ERCC6L2: variants seen among roughly 807,000 people sequenced by gnomAD.
ERCC6L2 encodes DNA excision repair protein ERCC-6-like 2.
A neutral mutation model predicts 132.0 loss-of-function variants in ERCC6L2; 77 were observed. The ratio of observed to expected loss-of-function variants is 0.58; its 90% confidence interval spans 0.49 to 0.71. ERCC6L2 has a LOEUF of 0.71. ERCC6L2 is among the 30% of genes least tolerant of loss of function. The probability of loss-of-function intolerance (pLI) is 0.00; values close to 1 mark genes in which losing one functional copy is unlikely to be tolerated. For missense variants in ERCC6L2, 1,542 were observed against 1,837.6 expected, an observed-to-expected ratio of 0.84 and a Z score of 2.94; for synonymous variants, 583 against 632.4, an observed-to-expected ratio of 0.92 and a Z score of 1.17.
At chr9:95,982,170 T>C (rs1191691941) in intron 17 of ERCC6L2, among the ~76,000 whole-genome samples, 1 of 152,044 alleles carries the variant, frequency 6.6e-6, no homozygotes, top group Admixed American at 6.6e-5. Flanking sequence ...TATTGCAGTG[T>C]GGTGTAAATG....
At chr9:96,003,867 A>G (rs1298313398) in intron 17 of ERCC6L2, among the ~76,000 whole-genome samples, 1 of 152,180 alleles carries the variant, frequency 6.6e-6, no homozygotes, top group East Asian at 1.9e-4. Flanking sequence ...TTCATACTGT[A>G]TCATCTTGTC....
chr9:95,901,569 G>A (rs1382328259), intron 3 of ERCC6L2, among the ~76,000 whole-genome samples: 1 of 152,076 alleles, frequency 6.6e-6, no homozygotes, highest in African/African-American at 2.4e-5. Context: ...GTTCCTTCTA[G>A]GAAAAGTAAA....
Position 95,876,019 on chromosome 9 carries a change from C to T in ERCC6L2, c.-20C>T, listed in dbSNP as rs866086136. On this transcript the variant is annotated 5_prime_UTR_variant, in exon 1 of 19. Coordinates refer to ENST00000653738, the MANE Select transcript of ERCC6L2 (RefSeq NM_020207.7). ...TCCGGGTGTTACATGCAGCCGGGCT[C>T]GGCCCCTCCCCCTGGCCGGATGGAT... The T allele has an allele frequency of 1.9e-6, 3 of 1,581,348 alleles. No homozygotes were observed. The highest frequency in any genetic ancestry group is 1.3e-5 in the African/African-American group (1 of 74,154).
At chr9:95,945,188 C>T (rs1180997539) in intron 12 of ERCC6L2, among the ~76,000 whole-genome samples, 1 of 152,102 alleles carries the variant, frequency 6.6e-6, no homozygotes, top group East Asian at 2.0e-4. Context: ...GGCCTACCCT[C>T]AGGGATGCAT....
At chr9:95,914,114 T>G (rs1829466969) in intron 4 of ERCC6L2, among the ~76,000 whole-genome samples, 1 of 152,238 alleles carries the variant, frequency 6.6e-6, no homozygotes, top group East Asian at 1.9e-4. Flanking sequence ...AAGCAGTGTT[T>G]GAGGATTCTG....
intron 2 of ERCC6L2, among the ~76,000 whole-genome samples, chr9:95,895,050 CTGAGT>C (rs1242907605): frequency 6.6e-6 from 1 of 152,112 alleles, no homozygotes; most frequent in African/African-American, 2.4e-5. Context: ...TTTGTTCTTG[CTGAGT>C]TATTTTAAAA....
chr9:95,902,686 G>A (rs1212982335), intron 3 of ERCC6L2, among the ~76,000 whole-genome samples: 1 of 152,008 alleles, frequency 6.6e-6, no homozygotes, highest in Non-Finnish European at 1.5e-5. Flanking sequence ...AAGAATGTCT[G>A]TTTCCACCTT....
In ERCC6L2 at chr9:96,014,503, A is replaced by T. The variant is rs900648456; in HGVS notation, c.*1300A>T. 1 of 152,194 alleles carries T rather than the reference A, an allele frequency of 6.6e-6. No homozygotes were observed. Among genetic ancestry groups the T allele is most frequent in the African/African-American group, 2.4e-5 (1 of 41,434 alleles). The allele number at this position is 152,194 out of a possible 1,614,324, so 9.4% of individuals were successfully genotyped here. ...CCTAGAGAATTGTAAAATTTATGTC[A>T]TGACTCAGTACATATGTGTTCGTAC... On this transcript the variant is annotated 3_prime_UTR_variant, in exon 19 of 19. Transcript: ENST00000653738.
chr9:95,949,078 AT>A (rs1400779974), intron 12 of ERCC6L2, among the ~76,000 whole-genome samples: 2 of 152,174 alleles, frequency 1.3e-5, no homozygotes, highest in Admixed American at 1.3e-4. Context: ...TGGACACGAA[AT>A]TCAATTTTGG....
chr9:96,039,040 C>T lies in ERCC6L2; in HGVS notation c.*1668C>T, dbSNP rs1038379011. ...AGACAGCTCCCCCAGCCCCAACACACGCAGATGATCATGGTCCTGGCTGAC... is the reference window on the plus strand; with the variant it reads ...AGACAGCTCCCCCAGCCCCAACACATGCAGATGATCATGGTCCTGGCTGAC... On this transcript the variant is annotated 3_prime_UTR_variant and NMD_transcript_variant, in exon 20 of 21. Transcript: ENST00000670016. 37 of 419,510 alleles carry T rather than the reference C, an allele frequency of 8.8e-5. No individual in the cohort carries two copies. In the East Asian group the frequency reaches 1.1e-3, roughly 12 times the overall value. The allele number at this position is 419,510 out of a possible 1,614,324, so 26.0% of individuals were successfully genotyped here. A position where few individuals can be genotyped will look rare whatever the true frequency, so the allele number is the denominator to read the frequency against.
At chr9:95,995,350 C>T (rs1833436316) in intron 17 of ERCC6L2, among the ~76,000 whole-genome samples, 1 of 152,162 alleles carries the variant, frequency 6.6e-6, no homozygotes, top group Non-Finnish European at 1.5e-5. Context: ...TTGAATGTTT[C>T]ATACTATCAA....
intron 14 of ERCC6L2, chr9:95,968,148 A>G (rs1415283505): frequency 6.6e-6 from 1 of 152,170 alleles, no homozygotes; most frequent in Non-Finnish European, 1.5e-5. Flanking sequence ...ACAAAAAACA[A>G]AAACAAAAAA....
At position 96,015,814 on chromosome 9, in the gene ERCC6L2, CT is replaced by C. The variant is rs1220659591; in HGVS notation, c.*2615del. Among the ~76,000 whole-genome samples, 3 of 152,016 alleles carry C rather than the reference CT, an allele frequency of 2.0e-5. No individual in the cohort carries two copies. Among genetic ancestry groups the C allele is most frequent in the Non-Finnish European group, 4.4e-5 (3 of 68,018 alleles). The stretch of plus-strand genomic sequence containing the variant: ...CAAGACTCCATCTCAAAAAAGGAAA[CT>C]TTTATCAATAGTAGTCAAAATGGGA... On this transcript the variant is annotated 3_prime_UTR_variant, in exon 19 of 19. Transcript: ENST00000653738.
chr9:95,895,820 A>G (rs1299334358), intron 2 of ERCC6L2, among the ~76,000 whole-genome samples: 3 of 146,054 alleles, frequency 2.1e-5, no homozygotes, highest in South Asian at 2.1e-4. Flanking sequence ...TCCCTCTCCC[A>G]GGTTCACGCC....
At chr9:95,948,791 G>GGA (rs1383535780) in intron 12 of ERCC6L2, among the ~76,000 whole-genome samples, 1 of 104,070 alleles carries the variant, frequency 9.6e-6, no homozygotes, top group African/African-American at 4.2e-5. Flanking sequence ...CAAGACATTA[G>GGA]AAAAAAAAAA....
intron 13 of ERCC6L2, among the ~76,000 whole-genome samples, chr9:95,957,076 C>T (rs1460494139): frequency 6.6e-6 from 1 of 152,064 alleles, no homozygotes; most frequent in East Asian, 1.9e-4. Context: ...TTTTAGTATT[C>T]GTCCGAAATT....
intron 4 of ERCC6L2, among the ~76,000 whole-genome samples, chr9:95,913,069 A>G (rs527837292): frequency 1.5e-3 from 233 of 152,316 alleles, no homozygotes; most frequent in African/African-American, 5.4e-3. Flanking sequence ...TTGTAAAGAT[A>G]TGTTTCTCCC....
At chr9:95,955,873 G>T (rs747477597) in intron 12 of ERCC6L2, 41 bp from the exon 13 acceptor site, 83 of 1,264,564 alleles carry the variant, frequency 6.6e-5, no homozygotes, top group Non-Finnish European at 9.0e-5. Context: ...ACCCAAAGTT[G>T]CTTCACTTGA....
chr9:96,015,024 T>TTTTG lies in ERCC6L2; in HGVS notation c.*1824_*1825insGTTT, dbSNP rs1056626586. 2.0e-4 allele frequency among the ~76,000 whole-genome samples: 24 copies of TTTTG among 122,484 alleles called. No homozygotes were observed. The East Asian group carries it at 3.4e-3, about 17-fold the overall frequency. The allele number at this position is 122,484 out of a possible 152,430, so 80.4% of individuals were successfully genotyped here. A position where few individuals can be genotyped will look rare whatever the true frequency, so the allele number is the denominator to read the frequency against. The stretch of plus-strand genomic sequence containing the variant: ...TCTTCATATATGTACAGTTTTTTTT[T>TTTTG]TTTTTTTTTTTTTTTTGAGATTGAG... On this transcript the variant is annotated 3_prime_UTR_variant, in exon 19 of 19. Coordinates refer to ENST00000653738, the MANE Select transcript of ERCC6L2 (RefSeq NM_020207.7).
Sources: allele counts gnomAD v4.1 joint callset (sites outside exome capture counted in the v4.1 genomes callset), GRCh38; gene constraint gnomAD v4.1.1; transcripts MANE v1.5; gene names NCBI Gene and HGNC (gene_info 2026-07-23, HGNC 2026-07-21).